KIF26B: variants seen among roughly 807,000 people sequenced by gnomAD.
The protein encoded by KIF26B is kinesin family member 26B.
In KIF26B, 63 loss-of-function variants were observed where a neutral mutation model predicts 151.2. The observed-to-expected ratio is 0.42, with a 90% CI of 0.34 to 0.51. KIF26B has a LOEUF of 0.51. Ranked by LOEUF, KIF26B falls within the 20% of genes least tolerant of loss-of-function variation. The pLI is 0.07. For missense variants in KIF26B, 2,813 were observed against 2,913.6 expected, an observed-to-expected ratio of 0.97 and a Z score of 0.79; for synonymous variants, 1,357 against 1,262.1, an observed-to-expected ratio of 1.08 and a Z score of -1.59.
intron 5 of KIF26B, among the ~76,000 whole-genome samples, chr1:245,545,377 C>T (rs1572117423): frequency 6.6e-6 from 1 of 152,194 alleles, no homozygotes; most frequent in East Asian, 1.9e-4. Flanking sequence ...GCTAGGATTA[C>T]AGGCATGAGC....
At chr1:245,639,726 T>G (rs1334674389) in intron 9 of KIF26B, among the ~76,000 whole-genome samples, 1 of 152,010 alleles carries the variant, frequency 6.6e-6, no homozygotes, top group South Asian at 2.1e-4. Context: ...ATTGACCCAT[T>G]GATCATCCAG....
At chr1:245,573,723 C>T (rs2043089046) in intron 5 of KIF26B, among the ~76,000 whole-genome samples, 1 of 152,144 alleles carries the variant, frequency 6.6e-6, no homozygotes. Context: ...GTAGTTCCCC[C>T]TTATCCTCAG....
At chr1:245,608,194 C>T (rs2043478201) in intron 7 of KIF26B, among the ~76,000 whole-genome samples, 1 of 152,194 alleles carries the variant, frequency 6.6e-6, no homozygotes, top group South Asian at 2.1e-4. Context: ...AAGCAGTGCA[C>T]ACCGTCGGGA....
At chr1:245,293,665 A>C (rs1573757567) in intron 2 of KIF26B, among the ~76,000 whole-genome samples, 1 of 141,570 alleles carries the variant, frequency 7.1e-6, no homozygotes, top group East Asian at 2.1e-4. Context: ...CGCAACTTCC[A>C]CCTCCCGGGT....
At chr1:245,578,260 C>T (rs1353762283) in intron 5 of KIF26B, among the ~76,000 whole-genome samples, 1 of 152,184 alleles carries the variant, frequency 6.6e-6, no homozygotes, top group East Asian at 1.9e-4. Flanking sequence ...CTCCACATAC[C>T]CAGAACCTGG....
intron 5 of KIF26B, among the ~76,000 whole-genome samples, chr1:245,544,529 C>A (rs1009823018): frequency 1.3e-5 from 2 of 151,500 alleles, no homozygotes; most frequent in Non-Finnish European, 2.9e-5. Flanking sequence ...TGTAGAGCAA[C>A]TTCTTATTTA....
At chr1:245,374,693 C>T (rs1673230773) in intron 3 of KIF26B, among the ~76,000 whole-genome samples, 1 of 152,108 alleles carries the variant, frequency 6.6e-6, no homozygotes, top group African/African-American at 2.4e-5. Context: ...GTTTTGTTTT[C>T]TCCTGTTTAT....
intron 5 of KIF26B, among the ~76,000 whole-genome samples, chr1:245,561,819 G>A (rs1471676461): frequency 6.6e-6 from 1 of 152,134 alleles, no homozygotes; most frequent in Non-Finnish European, 1.5e-5. Context: ...AACAACTATC[G>A]TAGGTGTAGG....
At chr1:245,432,079 G>C (rs1356522480) in intron 4 of KIF26B, among the ~76,000 whole-genome samples, 1 of 151,746 alleles carries the variant, frequency 6.6e-6, no homozygotes, top group Non-Finnish European at 1.5e-5. Flanking sequence ...AAAGCCCTCT[G>C]TGACCTCCCT....
chr1:245,505,252 T>A (rs899090433), intron 4 of KIF26B, among the ~76,000 whole-genome samples: 5 of 144,020 alleles, frequency 3.5e-5, no homozygotes, highest in African/African-American at 1.0e-4. Context: ...TTTTTTTTTT[T>A]AATAAGTCTA....
Position 245,520,861 on chromosome 1 carries a change from C to G in KIF26B, c.1167-19906C>G, listed in dbSNP as rs187728186. On this transcript the variant is annotated intron_variant, in intron 4 of 14. Coordinates refer to ENST00000407071, the MANE Select transcript of KIF26B (RefSeq NM_018012.4). The stretch of plus-strand genomic sequence containing the variant: ...TAGGGAACATTGTAGGATGAATGTT[C>G]CCTGTGGTCTGAATGTTTGTGTCTC... Among the ~76,000 whole-genome samples, 21 of 152,236 alleles carry G rather than the reference C, an allele frequency of 1.4e-4. No homozygotes were observed. The East Asian group carries it at 2.1e-3, about 15-fold the overall frequency.
intron 3 of KIF26B, among the ~76,000 whole-genome samples, chr1:245,368,957 A>G (rs959545469): frequency 6.6e-6 from 1 of 151,802 alleles, no homozygotes; most frequent in Non-Finnish European, 1.5e-5. Flanking sequence ...CATCCTGGCG[A>G]AAACCCGTCT....
At chr1:245,302,939 A>C (rs1196780808) in intron 2 of KIF26B, among the ~76,000 whole-genome samples, 1 of 136,676 alleles carries the variant, frequency 7.3e-6, no homozygotes, top group East Asian at 2.5e-4. Context: ...CAGTGAGCCA[A>C]GATCGTGCCA....
intron 2 of KIF26B, among the ~76,000 whole-genome samples, chr1:245,284,253 G>A (rs983760568): frequency 6.6e-6 from 1 of 152,154 alleles, no homozygotes; most frequent in Non-Finnish European, 1.5e-5. Flanking sequence ...TTAAAAAGGT[G>A]TATCTGTGTT....
intron 2 of KIF26B, among the ~76,000 whole-genome samples, chr1:245,295,757 G>A (rs1048806031): frequency 3.3e-5 from 5 of 152,174 alleles, no homozygotes; most frequent in Admixed American, 2.0e-4. Flanking sequence ...AAGATATCCT[G>A]TAAGTCCATT....
chr1:245,556,699 G>GTGTT (rs1558213394), intron 5 of KIF26B, among the ~76,000 whole-genome samples: 2 of 136,386 alleles, frequency 1.5e-5, no homozygotes, highest in Non-Finnish European at 3.2e-5. Context: ...ACTGCATCTG[G>GTGTT]TGTTTTTGTT....
At chr1:245,382,804 G>A (rs913296748) in intron 3 of KIF26B, among the ~76,000 whole-genome samples, 1 of 151,890 alleles carries the variant, frequency 6.6e-6, no homozygotes, top group South Asian at 2.1e-4. Flanking sequence ...CCGACCTCAG[G>A]TGATCCACCC....
Position 245,182,034 on chromosome 1 carries a change from C to T in KIF26B, c.465+25351C>T, listed in dbSNP as rs539680009. 3.3e-5 allele frequency among the ~76,000 whole-genome samples: 5 copies of T among 152,162 alleles called. No individual in the cohort carries two copies. The South Asian group carries it at 1.0e-3, about 32-fold the overall frequency. On this transcript the variant is annotated intron_variant, in intron 2 of 14. Transcript: ENST00000407071. Reference sequence around the variant, plus strand: ...AACGTGTGCGGGCCTAACTCTTGGCCAATTAGGAATCTGAGATCATTCTTC... The same window carrying T: ...AACGTGTGCGGGCCTAACTCTTGGCTAATTAGGAATCTGAGATCATTCTTC...
chr1:245,196,949 A>T (rs1291630299), intron 2 of KIF26B, among the ~76,000 whole-genome samples: 1 of 152,212 alleles, frequency 6.6e-6, no homozygotes, highest in Admixed American at 6.5e-5. Flanking sequence ...AACAAAATAT[A>T]GCTCCTTCGG....
Sources: allele counts gnomAD v4.1 joint callset (sites outside exome capture counted in the v4.1 genomes callset), GRCh38; gene constraint gnomAD v4.1.1; transcripts MANE v1.5; gene names NCBI Gene and HGNC (gene_info 2026-07-23, HGNC 2026-07-21).